Variants in ASMT observed in about 807,000 individuals in gnomAD.
The protein encoded by ASMT is acetylserotonin O-methyltransferase, also known as acetylserotonin N-methyltransferase.
In ASMT, 53 loss-of-function variants were observed where a neutral mutation model predicts 41.3. The observed-to-expected ratio is 1.28, with a 90% CI of 1.03 to 1.61. The LOEUF (loss-of-function observed/expected upper bound fraction) is 1.61. ASMT is among the 40% of genes most tolerant of loss of function. The pLI, the probability that ASMT is intolerant of heterozygous loss-of-function variation, is 0.00. For synonymous variants in ASMT, 231 were observed against 184.8 expected, an observed-to-expected ratio of 1.25 and a Z score of -2.03; for missense variants, 531 against 441.3, an observed-to-expected ratio of 1.20 and a Z score of -1.82.
chrX:1,636,702 G>A (rs1373620290), intron 8 of ASMT, 142 bp downstream of exon 8: 6 of 1,279,306 alleles, frequency 4.7e-6, no homozygotes, highest in East Asian at 2.3e-5. Context: ...TTTAGATAAC[G>A]ACCTGAAATA....
At chrX:1,619,175 C>T (rs758951110) in intron 1 of ASMT, among the ~76,000 whole-genome samples, 2 of 152,136 alleles carry the variant, frequency 1.3e-5, no homozygotes, top group South Asian at 4.1e-4. Flanking sequence ...GCGGGCGGAT[C>T]ACAAGGTCAG....
chrX:1,628,748 C>T (rs1934654259), intron 4 of ASMT, among the ~76,000 whole-genome samples: 1 of 151,062 alleles, frequency 6.6e-6, no homozygotes, highest in Non-Finnish European at 1.5e-5. Flanking sequence ...TCTCTTGTCT[C>T]CTCTCTCTTC....
chrX:1,617,955 G>C (rs1439454179), intron 1 of ASMT, among the ~76,000 whole-genome samples: 6 of 152,032 alleles, frequency 3.9e-5, no homozygotes, highest in Admixed American at 3.9e-4. Context: ...GTGAAAATTA[G>C]AGTGAAGTCT....
rs759145050 is a variant in ASMT at position 1,627,737 on chromosome X, G to A, written c.409G>A (p.Val137Ile). The change falls in exon 4 of 9, where the codon GTT (valine) becomes ATT (isoleucine). Residue 137 changes from valine (V) to isoleucine (I), a missense_variant. By Grantham distance (29) the Val-to-Ile change is conservative (BLOSUM62 3). Transcript: ENST00000381241. Reference sequence around the variant, plus strand: ...GAACCAGTACCTGGAGACGTTTGGCGTTCCCGCTGAAGAGCTTTTTACGGC... The same window carrying A: ...GAACCAGTACCTGGAGACGTTTGGCATTCCCGCTGAAGAGCTTTTTACGGC... ...GRNQYLETFG[V>I]PAEELFTAIY... 60 of 1,613,840 alleles carry A rather than the reference G, an allele frequency of 3.7e-5. 1 individual carries two copies. The highest frequency in any genetic ancestry group is 1.1e-4 in the South Asian group (10 of 91,076).
chrX:1,631,712 C>T (rs367645321), intron 5 of ASMT, among the ~76,000 whole-genome samples: 39 of 151,522 alleles, frequency 2.6e-4, no homozygotes, highest in African/African-American at 9.4e-4. Context: ...GTCAGGAGTT[C>T]GAGATCAGCC....
intron 8 of ASMT, 152 bp downstream of exon 8, chrX:1,636,712 A>G (rs1299650378): frequency 8.5e-7 from 1 of 1,171,556 alleles, no homozygotes; most frequent in Non-Finnish European, 1.3e-6. Context: ...GACCTGAAAT[A>G]AATAGGGTCC....
intron 1 of ASMT, among the ~76,000 whole-genome samples, chrX:1,616,354 C>T (rs1359684048): frequency 4.0e-5 from 6 of 151,290 alleles, no homozygotes; most frequent in Non-Finnish European, 7.4e-5. Context: ...ACGTGAAAGG[C>T]CCCATATGGT....
intron 4 of ASMT, chrX:1,627,988 T>C: frequency 1.6e-6 from 1 of 624,398 alleles, no homozygotes. Context: ...TGACCCTTCC[T>C]TCGAAAGGAC....
At position 1,619,493 on chromosome X, in the gene ASMT, A is replaced by G. The variant is rs1364170119; in HGVS notation, c.70-3646A>G. ...CAGGTGCAGCAAACCACCATGGCAC[A>G]TGTATACCTGTGCAACAAACCTGCA... is the stretch of plus-strand genomic sequence containing the variant. On this transcript the variant is annotated intron_variant, in intron 1 of 8. Coordinates refer to ENST00000381241, the MANE Select transcript of ASMT (RefSeq NM_001171038.2). Among the ~76,000 whole-genome samples the G allele has an allele frequency of 7.3e-5, 11 of 149,746 alleles. No homozygotes were observed. The Admixed American group carries it at 7.4e-4, about 10-fold the overall frequency.
chrX:1,632,864 G>A (rs1213867564), intron 6 of ASMT, 77 bp downstream of exon 6: 6 of 526,954 alleles, frequency 1.1e-5, no homozygotes, highest in Non-Finnish European at 2.1e-5. Flanking sequence ...GGCCTGGGGG[G>A]CTGGGAGGCT....
rs1276985695 is a variant in ASMT at position 1,616,761 on chromosome X, T to G, written c.69+1493T>G. On this transcript the variant is annotated intron_variant, in intron 1 of 8. Coordinates refer to ENST00000381241, the MANE Select transcript of ASMT (RefSeq NM_001171038.2). ...TCTCGCTCTGTCGCCCAGGCTGGAG[T>G]GCAATGGCACGATCTCGGCTCACTG... Among the ~76,000 whole-genome samples, 20 of 149,532 alleles carry G rather than the reference T, an allele frequency of 1.3e-4. 2 individuals are homozygous for G. Among genetic ancestry groups the G allele is most frequent in the Non-Finnish European group, 2.1e-4 (14 of 66,628 alleles).
intron 1 of ASMT, among the ~76,000 whole-genome samples, chrX:1,621,759 G>A (rs774084808): frequency 5.8e-4 from 89 of 152,156 alleles, no homozygotes; most frequent in Middle Eastern, 6.8e-3. Flanking sequence ...GCAATGGCAC[G>A]ATCTCGGCTC....
chrX:1,642,674 C>T lies in ASMT; in HGVS notation c.911-129C>T. 4.8e-6 allele frequency: 4 copies of T among 831,336 alleles called. No homozygotes were observed. In the East Asian group the frequency reaches 1.0e-4, roughly 21 times the overall value. The allele number at this position is 831,336 out of a possible 1,614,324, so 51.5% of individuals were successfully genotyped here. On this transcript the variant is annotated intron_variant, in intron 8 of 8. Coordinates refer to ENST00000381241, the MANE Select transcript of ASMT (RefSeq NM_001171038.2). Reference sequence around the variant, plus strand: ...ATCGATGAGGACGTGGGCACAGCCTCTGAGTGTGTGATGGGGACGGTGCCC... The same window carrying T: ...ATCGATGAGGACGTGGGCACAGCCTTTGAGTGTGTGATGGGGACGGTGCCC...
rs751657387 is a variant in ASMT, at chrX:1,617,513, G to A, written c.69+2245G>A. On this transcript the variant is annotated intron_variant, in intron 1 of 8. Coordinates refer to ENST00000381241, the MANE Select transcript of ASMT (RefSeq NM_001171038.2). ...ACCAGCATCATCGTGAAAGGGGGTC[G>A]TGTGCTGACGATATTTTGAGATGTC... is the stretch of plus-strand genomic sequence containing the variant. 4.6e-5 allele frequency among the ~76,000 whole-genome samples: 7 copies of A among 152,134 alleles called. No individual in the cohort carries two copies. In the South Asian group the frequency reaches 6.2e-4, roughly 14 times the overall value.
intron 8 of ASMT, among the ~76,000 whole-genome samples, chrX:1,636,920 TG>T (rs1569384190): frequency 2.7e-4 from 32 of 118,708 alleles, no homozygotes; most frequent in African/African-American, 9.3e-4. Flanking sequence ...CCTCTGTGTG[TG>T]ATGGGGACAG....
chrX:1,635,128 C>G (rs28759321), intron 7 of ASMT, among the ~76,000 whole-genome samples: 7,115 of 146,684 alleles, frequency 0.049, 580 homozygotes, highest in African/African-American at 0.17. Flanking sequence ...GCGCCCACCA[C>G]CACGCCCAGC....
intron 1 of ASMT, among the ~76,000 whole-genome samples, chrX:1,622,147 A>G (rs1209785962): frequency 8.7e-5 from 13 of 149,876 alleles, no homozygotes; most frequent in African/African-American, 3.0e-4. Flanking sequence ...GCGCACCACC[A>G]TGCCTGGCTA....
chrX:1,633,948 T>A (rs1569381549), intron 7 of ASMT, among the ~76,000 whole-genome samples: 1 of 152,090 alleles, frequency 6.6e-6, no homozygotes, highest in Non-Finnish European at 1.5e-5. Flanking sequence ...TCTTTTTGTA[T>A]TTTTAGTAGA....
rs185744341 is a variant in ASMT, at chrX:1,622,882, A to G, written c.70-257A>G. Among the ~76,000 whole-genome samples, 789 of 152,100 alleles carry G rather than the reference A, an allele frequency of 5.2e-3. 7 individuals are homozygous for G. The highest frequency in any genetic ancestry group is 0.018 in the African/African-American group (760 of 41,506). Reference sequence around the variant, plus strand: ...AGCCGAGACCGCACCACTGCCCTCCAGCCTGGGTGATACAGTGAGACTTCA... The same window carrying G: ...AGCCGAGACCGCACCACTGCCCTCCGGCCTGGGTGATACAGTGAGACTTCA... On this transcript the variant is annotated intron_variant, in intron 1 of 8. Transcript: ENST00000381241.
Sources: gnomAD v4.1 joint callset for allele counts (sites outside exome capture counted in the v4.1 genomes callset) on GRCh38, gnomAD v4.1.1 for gene constraint, MANE v1.5 for transcripts, NCBI Gene and HGNC (gene_info 2026-07-23, HGNC 2026-07-21) for gene names.